IL1R1: variants seen among roughly 807,000 people sequenced by gnomAD.
IL1R1 encodes interleukin-1 receptor type 1.
A neutral mutation model predicts 50.2 loss-of-function variants in IL1R1; 22 were observed. The observed-to-expected ratio is 0.44, with a 90% confidence interval of 0.31 to 0.63. The LOEUF (loss-of-function observed/expected upper bound fraction) is 0.63, where lower values mean the gene tolerates loss of function less well. Ranked by LOEUF, IL1R1 falls within the 20% of genes least tolerant of loss-of-function variation. The pLI, the probability that IL1R1 is intolerant of heterozygous loss-of-function variation, is 0.07. For synonymous variants in IL1R1, 251 were observed against 236.7 expected (o/e 1.06, Z -0.55); for missense variants, 509 against 676.2 (o/e 0.75, Z 2.74).
chr2:102,120,591 C>T (rs1681351306), intron 1 of IL1R1, among the ~76,000 whole-genome samples: 1 of 152,166 alleles, frequency 6.6e-6, no homozygotes, highest in Non-Finnish European at 1.5e-5. Flanking sequence ...CACACAGAGG[C>T]AGGCAACTCC....
At position 102,172,839 on chromosome 2, in the gene IL1R1, G is replaced by C. The variant is rs936251477; in HGVS notation, c.991+1G>C. On this transcript the variant is annotated splice_donor_variant, in intron 9 of 11. Transcript: ENST00000410023. LOFTEE classifies it high-confidence loss of function. ...GCATATATCCAGTTAATATATCCAG[G>C]TAAACAACAAACTAATTGAAATGCA... 6.3e-7 allele frequency: 1 copy of C among 1,587,506 alleles called. No homozygotes were observed. Among genetic ancestry groups the C allele is most frequent in the Non-Finnish European group, 8.6e-7 (1 of 1,164,722 alleles).
intron 1 of IL1R1, among the ~76,000 whole-genome samples, chr2:102,108,110 A>G (rs917739940): frequency 1.3e-5 from 2 of 152,094 alleles, no homozygotes; most frequent in Non-Finnish European, 2.9e-5. Flanking sequence ...TATTGTTGTT[A>G]CTCTAAAGTT....
chr2:102,159,911 C>T lies in IL1R1; in HGVS notation c.61+2126C>T, dbSNP rs541819527. ...TATAAAGCTACAAACCCTGCTGATCCGTGATTTGGCATGTTTCTGTTTGTT... is the reference window on the plus strand; with the variant it reads ...TATAAAGCTACAAACCCTGCTGATCTGTGATTTGGCATGTTTCTGTTTGTT... On this transcript the variant is annotated intron_variant, in intron 3 of 11. Transcript: ENST00000410023. 5.9e-5 allele frequency among the ~76,000 whole-genome samples: 9 copies of T among 152,238 alleles called. 1 individual carries two copies. Among genetic ancestry groups the T allele is most frequent in the Admixed American group, 3.3e-4 (5 of 15,298 alleles).
chr2:102,176,549 A>G lies in IL1R1; in HGVS notation c.1500A>G (p.Pro500=). The change falls in exon 12 of 12, where the codon CCA becomes CCG. Residue 500 remains proline, a synonymous_variant. Coordinates refer to ENST00000410023, the MANE Select transcript of IL1R1 (RefSeq NM_000877.4). ...AAATCCAAGACTATGAGAAAATGCC[A>G]GAATCGATTAAATTCATTAAGCAGA... The part of the protein sequence containing the change: ...LEKIQDYEKM[P]ESIKFIKQKH... 1 of 1,614,216 alleles carries G rather than the reference A, an allele frequency of 6.2e-7. No individual in the cohort carries two copies. Among genetic ancestry groups the G allele is most frequent in the Non-Finnish European group, 8.5e-7 (1 of 1,180,026 alleles).
intron 1 of IL1R1, among the ~76,000 whole-genome samples, chr2:102,074,834 T>C (rs1189803470): frequency 6.6e-6 from 1 of 152,216 alleles, no homozygotes; most frequent in Non-Finnish European, 1.5e-5. Flanking sequence ...ATTTGGTGAT[T>C]TTTATTTTCT....
intron 1 of IL1R1, among the ~76,000 whole-genome samples, chr2:102,119,919 G>T (rs1387554801): frequency 3.3e-5 from 5 of 152,130 alleles, no homozygotes; most frequent in African/African-American, 1.2e-4. Flanking sequence ...ATTTCATGAT[G>T]AAAAATGTAT....
chr2:102,128,889 A>G (rs1164053015), intron 1 of IL1R1, among the ~76,000 whole-genome samples: 3 of 152,042 alleles, frequency 2.0e-5, no homozygotes, highest in Non-Finnish European at 4.4e-5. Flanking sequence ...CTTCTCTAGG[A>G]TGTCTGTTGC....
intron 1 of IL1R1, among the ~76,000 whole-genome samples, chr2:102,082,273 CTTTAA>C (rs1679244350): frequency 1.4e-5 from 2 of 139,482 alleles, no homozygotes; most frequent in South Asian, 4.5e-4. Flanking sequence ...AAATCTAATC[CTTTAA>C]TTTAAATATT....
Position 102,166,148 on chromosome 2 carries a change from T to C in IL1R1, c.522T>C (p.Phe174=), listed in dbSNP as rs201433429. 2.5e-5 allele frequency: 41 copies of C among 1,613,926 alleles called. No homozygotes were observed. The highest frequency in any genetic ancestry group is 3.1e-5 in the Non-Finnish European group (37 of 1,179,876). The change falls in exon 6 of 12, where the codon TTT becomes TTC. Residue 174 remains phenylalanine, a synonymous_variant. Transcript: ENST00000410023. The part of the protein sequence containing the change: ...CKPLLLDNIH[F]SGVKDRLIVM... ...CTCTACTTCTTGACAATATACACTT[T>C]AGTGGAGTCAAAGATAGGCTCATCG... is the stretch of plus-strand genomic sequence containing the variant.
intron 1 of IL1R1, among the ~76,000 whole-genome samples, chr2:102,083,195 A>T (rs1679290212): frequency 6.6e-6 from 1 of 152,196 alleles, no homozygotes; most frequent in African/African-American, 2.4e-5. Flanking sequence ...CACATCAGGA[A>T]AGTGAGATTC....
At chr2:102,172,247 C>A in intron 8 of IL1R1, 1 of 984,574 alleles carries the variant, frequency 1.0e-6, no homozygotes, top group Non-Finnish European at 1.2e-6. Flanking sequence ...TTAATGAGCT[C>A]AAGAATCAGG....
chr2:102,087,296 T>C (rs1679470828), intron 1 of IL1R1, among the ~76,000 whole-genome samples: 1 of 152,186 alleles, frequency 6.6e-6, no homozygotes, highest in Non-Finnish European at 1.5e-5. Context: ...GCTGTGGCAA[T>C]TTCTTAAAAT....
intron 1 of IL1R1, among the ~76,000 whole-genome samples, chr2:102,076,881 T>G (rs1577787767): frequency 6.6e-6 from 1 of 152,132 alleles, no homozygotes; most frequent in East Asian, 1.9e-4. Context: ...AAATTTTTTT[T>G]CTATTAATTC....
intron 1 of IL1R1, among the ~76,000 whole-genome samples, chr2:102,120,201 G>A (rs185562070): frequency 1.8e-4 from 28 of 152,280 alleles, no homozygotes; most frequent in South Asian, 1.7e-3. Flanking sequence ...TTGTGTGAGC[G>A]TATGTGTTTG....
chr2:102,087,813 T>A (rs1679493333), intron 1 of IL1R1, among the ~76,000 whole-genome samples: 1 of 150,356 alleles, frequency 6.7e-6, no homozygotes. Flanking sequence ...GTTCTTTCTT[T>A]ATAGCAGTGT....
chr2:102,085,906 A>G (rs574086030), intron 1 of IL1R1, among the ~76,000 whole-genome samples: 8 of 152,218 alleles, frequency 5.3e-5, no homozygotes, highest in African/African-American at 9.6e-5. Context: ...AAAATTTTTC[A>G]GTGTAGGGAA....
intron 1 of IL1R1, among the ~76,000 whole-genome samples, chr2:102,153,070 C>T (rs1338008219): frequency 1.3e-5 from 2 of 152,112 alleles, no homozygotes; most frequent in East Asian, 3.8e-4. Flanking sequence ...TAGGACATAG[C>T]AGTAAGGCTA....
intron 1 of IL1R1, among the ~76,000 whole-genome samples, chr2:102,116,950 A>G (rs1394721858): frequency 1.3e-5 from 2 of 152,156 alleles, no homozygotes; most frequent in Non-Finnish European, 2.9e-5. Context: ...TGTTTGGCTG[A>G]GTTTGAAAGA....
chr2:102,176,148 C>A, intron 11 of IL1R1: 1 of 536,750 alleles, frequency 1.9e-6, no homozygotes, highest in South Asian at 2.4e-5. Flanking sequence ...GATCACGCCA[C>A]TGCGCTCCAG....
Sources: allele counts gnomAD v4.1 joint callset (sites outside exome capture counted in the v4.1 genomes callset), GRCh38; gene constraint gnomAD v4.1.1; transcripts MANE v1.5; gene names NCBI Gene and HGNC (gene_info 2026-07-23, HGNC 2026-07-21).